RYR3: variants seen among roughly 807,000 people sequenced by gnomAD.
RYR3 encodes the protein ryanodine receptor 3.
RYR3 carries 207 observed loss-of-function variants against 584.3 expected under a neutral mutation model. That is an observed-to-expected ratio of 0.35 (90% CI 0.32 to 0.40). The LOEUF (loss-of-function observed/expected upper bound fraction) is 0.40. Ranked by LOEUF, RYR3 falls within the 10% of genes least tolerant of loss-of-function variation. The pLI is 1.00. For synonymous variants in RYR3, 2,416 were observed against 2,248.5 expected (o/e 1.07, Z -2.11); for missense variants, 5,616 against 6,089.2 (o/e 0.92, Z 2.59).
chr15:33,661,707 T>C (rs7181696), intron 34 of RYR3, among the ~76,000 whole-genome samples: 134,598 of 152,188 alleles, frequency 0.88, 60,673 homozygotes, highest in Non-Finnish European at 0.97. Context: ...TTGCTGGTCC[T>C]GGTCCATGGC....
chr15:33,627,406 C>A (rs1448679573), intron 20 of RYR3, among the ~76,000 whole-genome samples: 3 of 152,150 alleles, frequency 2.0e-5, no homozygotes, highest in Non-Finnish European at 4.4e-5. Flanking sequence ...TCAGGGGAGA[C>A]TTCTCAAAGG....
At chr15:33,814,109 G>A (rs751089418) in intron 74 of RYR3, among the ~76,000 whole-genome samples, 11 of 152,186 alleles carry the variant, frequency 7.2e-5, no homozygotes, top group Admixed American at 3.3e-4. Flanking sequence ...CGATGCCTTC[G>A]GGTGTTTCAG....
At chr15:33,808,257 T>C (rs1271682094) in intron 70 of RYR3, among the ~76,000 whole-genome samples, 1 of 152,224 alleles carries the variant, frequency 6.6e-6, no homozygotes, top group Non-Finnish European at 1.5e-5. Context: ...ACTTGCTATG[T>C]GATCTTGGAA....
intron 4 of RYR3, among the ~76,000 whole-genome samples, chr15:33,532,932 C>T (rs560825739): frequency 6.6e-6 from 1 of 152,224 alleles, no homozygotes; most frequent in Admixed American, 6.5e-5. Context: ...GCCTGGGAAA[C>T]ATAGATAGAC....
intron 16 of RYR3, among the ~76,000 whole-genome samples, chr15:33,594,571 C>T (rs675149): frequency 0.11 from 16,704 of 152,164 alleles, 1,154 homozygotes; most frequent in African/African-American, 0.19. Context: ...ACTCCTGTTA[C>T]GTTTGATAGC....
intron 1 of RYR3, among the ~76,000 whole-genome samples, chr15:33,436,066 C>T (rs1225498096): frequency 1.3e-5 from 2 of 152,182 alleles, no homozygotes; most frequent in Non-Finnish European, 2.9e-5. Context: ...TCTAGCTAGA[C>T]AGAAAAGTTC....
intron 14 of RYR3, among the ~76,000 whole-genome samples, chr15:33,581,967 T>G (rs545578873): frequency 6.6e-6 from 1 of 152,366 alleles, no homozygotes; most frequent in South Asian, 2.1e-4. Flanking sequence ...AGTTTTAAAC[T>G]TCTGCAAAGA....
intron 12 of RYR3, among the ~76,000 whole-genome samples, chr15:33,573,361 G>A (rs567356162): frequency 3.7e-4 from 56 of 152,244 alleles, no homozygotes; most frequent in Non-Finnish European, 6.8e-4. Context: ...GTGTGCACAC[G>A]GAAACCAGGA....
intron 12 of RYR3, among the ~76,000 whole-genome samples, chr15:33,571,676 A>G (rs1242531532): frequency 6.6e-6 from 1 of 151,992 alleles, no homozygotes; most frequent in Non-Finnish European, 1.5e-5. Context: ...TGTACTTTTA[A>G]CTTATTTGTG....
intron 99 of RYR3, chr15:33,858,892 T>C (rs781551053): frequency 6.6e-6 from 1 of 152,460 alleles, no homozygotes; most frequent in African/African-American, 2.4e-5. Flanking sequence ...AAACTCTCCA[T>C]GTGCTTTCTC....
intron 91 of RYR3, among the ~76,000 whole-genome samples, chr15:33,843,193 G>A (rs182262932): frequency 2.1e-4 from 32 of 152,176 alleles, no homozygotes; most frequent in Admixed American, 1.5e-3. Context: ...GTTGGCGGGC[G>A]CCTGTAGTCC....
At chr15:33,781,071 C>T (rs1179607963) in intron 65 of RYR3, among the ~76,000 whole-genome samples, 1 of 152,198 alleles carries the variant, frequency 6.6e-6, no homozygotes, top group African/African-American at 2.4e-5. Context: ...TATTTACTAT[C>T]TGGCCCTCTA....
At chr15:33,380,835 G>T (rs2041132533) in intron 1 of RYR3, among the ~76,000 whole-genome samples, 1 of 152,046 alleles carries the variant, frequency 6.6e-6, no homozygotes, top group Non-Finnish European at 1.5e-5. Context: ...AGCTCTCCTC[G>T]GTTCTTCTGA....
chr15:33,428,936 AG>A (rs1408763564), intron 1 of RYR3, among the ~76,000 whole-genome samples: 1 of 152,188 alleles, frequency 6.6e-6, no homozygotes, highest in Non-Finnish European at 1.5e-5. Context: ...TGTTTCCTGA[AG>A]CTGCTGAGAT....
intron 39 of RYR3, among the ~76,000 whole-genome samples, chr15:33,696,954 C>G (rs900005520): frequency 6.6e-6 from 1 of 151,908 alleles, no homozygotes; most frequent in Non-Finnish European, 1.5e-5. Flanking sequence ...GCTCATGGCT[C>G]TCCCTTAGAA....
intron 92 of RYR3, 71 bp downstream of exon 92, chr15:33,843,645 C>T: frequency 9.3e-7 from 1 of 1,070,690 alleles, no homozygotes; most frequent in East Asian, 2.6e-5. Flanking sequence ...GAAAAAGAAT[C>T]ATGACAGAAT....
At position 33,503,752 on chromosome 15, in the gene RYR3, T is replaced by C. The variant is rs773256509; in HGVS notation, c.279+14T>C. 7 of 1,550,492 alleles carry C rather than the reference T, an allele frequency of 4.5e-6. No individual in the cohort carries two copies. The highest frequency in any genetic ancestry group is 3.4e-5 in the Admixed American group (2 of 57,980). ...GGCGGCGAAGGGGTGAGTACCCGAA[T>C]TGTGTCCTAGGTTGGGATTGGGGTG... is the stretch of plus-strand genomic sequence containing the variant. On this transcript the variant is annotated intron_variant, in intron 3 of 103. Coordinates refer to ENST00000634891, the MANE Select transcript of RYR3 (RefSeq NM_001036.6).
At chr15:33,394,649 T>C (rs998357018) in intron 1 of RYR3, among the ~76,000 whole-genome samples, 1 of 152,228 alleles carries the variant, frequency 6.6e-6, no homozygotes, top group South Asian at 2.1e-4. Flanking sequence ...CTCCATTCTA[T>C]GAGATTCTTG....
chr15:33,555,946 T>C (rs943500114), intron 10 of RYR3, among the ~76,000 whole-genome samples: 3 of 152,154 alleles, frequency 2.0e-5, no homozygotes, highest in African/African-American at 7.2e-5. Context: ...AATACGAAGA[T>C]CTCAAATTCT....
Sources: gnomAD v4.1 joint callset for allele counts (sites outside exome capture counted in the v4.1 genomes callset) on GRCh38, gnomAD v4.1.1 for gene constraint, MANE v1.5 for transcripts, NCBI Gene and HGNC (gene_info 2026-07-23, HGNC 2026-07-21) for gene names.